The following WDFY3 variants were observed in gnomAD, a reference collection of about 807,000 sequenced individuals.
WDFY3 encodes the protein WD repeat and FYVE domain containing 3, also known as WD repeat and FYVE domain-containing protein 3.
Under a neutral mutation model 409.6 loss-of-function variants are expected in WDFY3, and 66 were observed. That is an observed-to-expected ratio of 0.16 (90% CI 0.13 to 0.20). The LOEUF is 0.20. WDFY3 is among the 10% of genes least tolerant of loss of function. The probability of loss-of-function intolerance (pLI) is 1.00; values close to 1 mark genes in which losing one functional copy is unlikely to be tolerated. For synonymous variants in WDFY3, 1,521 were observed against 1,537.1 expected (o/e 0.99, Z 0.25); for missense variants, 3,031 against 4,298.1 (o/e 0.71, Z 8.24).
intron 44 of WDFY3, among the ~76,000 whole-genome samples, chr4:84,729,376 ATT>A (rs983844586): frequency 4.1e-4 from 62 of 152,108 alleles, no homozygotes; most frequent in African/African-American, 1.5e-3. Context: ...AGTATAATTC[ATT>A]TGTTTTAATT....
At chr4:84,712,373 T>TA (rs998951453) in intron 51 of WDFY3, among the ~76,000 whole-genome samples, 4,630 of 75,058 alleles carry the variant, frequency 0.062, 187 homozygotes, top group African/African-American at 0.16. Context: ...AGAAAAAAAT[T>TA]AAAAAAAAAA....
intron 21 of WDFY3, among the ~76,000 whole-genome samples, chr4:84,790,138 T>G (rs1405179243): frequency 6.6e-6 from 1 of 151,840 alleles, no homozygotes; most frequent in African/African-American, 2.4e-5. Flanking sequence ...TCACCTGACG[T>G]CAGGAGTTCG....
At position 84,820,116 on chromosome 4, in the gene WDFY3, T is replaced by C. The variant is rs1412459427; in HGVS notation, c.1662A>G (p.Thr554=). Residue 554 remains threonine, a synonymous_variant, in exon 12 of 68, where the codon ACA becomes ACG. Transcript: ENST00000295888. ...TTGTGTTTGATCCTTGAAGAAGCAC[T>C]GTCAAGGTCTCCATAACCAATAAAG... ...HLALLVMETL[T]VLLQGSNTNA... 1 of 1,605,284 alleles carries C rather than the reference T, an allele frequency of 6.2e-7. No individual in the cohort carries two copies. The highest frequency in any genetic ancestry group is 1.7e-5 in the Admixed American group (1 of 59,194).
chr4:84,808,917 A>C (rs570868485), intron 14 of WDFY3: 1 of 152,444 alleles, frequency 6.6e-6, no homozygotes, highest in African/African-American at 2.4e-5. Flanking sequence ...CTGAGGACTA[A>C]GAAATCTTGT....
intron 3 of WDFY3, among the ~76,000 whole-genome samples, chr4:84,875,585 A>G (rs1481474665): frequency 1.3e-5 from 2 of 152,218 alleles, no homozygotes; most frequent in South Asian, 2.1e-4. Flanking sequence ...AAACTTTCAA[A>G]TTTTTAAAAA....
At chr4:84,731,048 C>T (rs1736513837) in intron 44 of WDFY3, among the ~76,000 whole-genome samples, 1 of 152,114 alleles carries the variant, frequency 6.6e-6, no homozygotes, top group African/African-American at 2.4e-5. Context: ...CCACCTGCCT[C>T]GGCCTCCCAA....
intron 3 of WDFY3, among the ~76,000 whole-genome samples, chr4:84,874,870 T>C (rs1468135834): frequency 3.3e-5 from 5 of 152,196 alleles, no homozygotes; most frequent in African/African-American, 1.2e-4. Context: ...AAAACCTAGA[T>C]GGTTTAGCCT....
chr4:84,801,861 C>T lies in WDFY3; in HGVS notation c.2611G>A (p.Ala871Thr). The stretch of plus-strand genomic sequence containing the variant: ...GCCACGGCAAGTTGAAGATCCAAAG[C>T]ATGCTAAAATCAACAAAGAAATCCA... ...SVGSVTQPEHALDLQLAVANI... is the reference protein window; with the variant it reads ...SVGSVTQPEHTLDLQLAVANI... The change falls in exon 17 of 68, where the codon GCT becomes ACT. Residue 871 changes from alanine to threonine, a missense_variant. By Grantham distance (58) the Ala-to-Thr change is moderately conservative. Around this residue, in one of 16 missense-constraint regions of WDFY3, gnomAD observed 1,322 missense variants for 1,697.9 expected, o/e 0.78. Coordinates refer to ENST00000295888, the MANE Select transcript of WDFY3 (RefSeq NM_014991.6). 6.2e-7 allele frequency: 1 copy of T among 1,613,346 alleles called. No individual in the cohort carries two copies. The highest frequency in any genetic ancestry group is 8.5e-7 in the Non-Finnish European group (1 of 1,179,448).
At position 84,794,712 on chromosome 4, in the gene WDFY3, G is replaced by T; in HGVS notation, c.3294C>A (p.Ser1098=). 1 of 1,613,046 alleles carries T rather than the reference G, an allele frequency of 6.2e-7. No homozygotes were observed. Among genetic ancestry groups the T allele is most frequent in the Non-Finnish European group, 8.5e-7 (1 of 1,179,574 alleles). The change falls in exon 21 of 68, where the codon TCC becomes TCA. Residue 1098 remains serine (S), a synonymous_variant. Coordinates refer to ENST00000295888, the MANE Select transcript of WDFY3 (RefSeq NM_014991.6). ...AAAACCAGCTAGAGTAACTTAAGCC[G>T]GAGGGAGGAGGGAAGAATCTTTCAC... ...GSGERFFPPP[S]GLSYSSWFCI...
chr4:84,853,676 T>A (rs761065577), intron 4 of WDFY3, among the ~76,000 whole-genome samples: 13 of 152,254 alleles, frequency 8.5e-5, no homozygotes, highest in Non-Finnish European at 1.6e-4. Context: ...GTAAATAATA[T>A]GCTGTTGAAA....
chr4:84,702,165 G>C (rs546814763), intron 56 of WDFY3, among the ~76,000 whole-genome samples, 188 bp downstream of exon 56: 1 of 152,216 alleles, frequency 6.6e-6, no homozygotes, highest in South Asian at 2.1e-4. Context: ...CCACCACCAC[G>C]TCTGGCTAAT....
At chr4:84,929,515 T>C (rs1378196091) in intron 2 of WDFY3, among the ~76,000 whole-genome samples, 3 of 142,352 alleles carry the variant, frequency 2.1e-5, no homozygotes, top group Non-Finnish European at 3.0e-5. Context: ...CGTCAGTACC[T>C]CAAAATGTGA....
rs1736291992 is a variant in WDFY3, at chr4:84,729,831, C to A, written c.7222-2920G>T. On this transcript the variant is annotated intron_variant, in intron 44 of 67. Coordinates refer to ENST00000295888, the MANE Select transcript of WDFY3 (RefSeq NM_014991.6). Reference sequence around the variant, plus strand: ...ACTGAGAAATAATAATTATTTTAATCAATAAGGCAAAAGATCAAATCATTT... The same window carrying A: ...ACTGAGAAATAATAATTATTTTAATAAATAAGGCAAAAGATCAAATCATTT... 2.6e-5 allele frequency among the ~76,000 whole-genome samples: 4 copies of A among 152,112 alleles called. No individual in the cohort carries two copies. The South Asian group carries it at 8.3e-4, about 31-fold the overall frequency.
At position 84,740,289 on chromosome 4, in the gene WDFY3, C is replaced by G; in HGVS notation, c.6362G>C (p.Arg2121Thr). 1.2e-6 allele frequency: 2 copies of G among 1,613,944 alleles called. No homozygotes were observed. Among genetic ancestry groups the G allele is most frequent in the Non-Finnish European group, 1.7e-6 (2 of 1,179,984 alleles). The change falls in exon 39 of 68, where the codon AGG (arginine) becomes ACG (threonine). Residue 2121 changes from arginine (R) to threonine (T), a missense_variant. This residue lies in a region of WDFY3 where 314 missense variants were observed against 397.4 expected (regional missense o/e 0.79). Transcript: ENST00000295888. ...PQQVALLDSLRVLTVNRNLIL... is the reference protein window; with the variant it reads ...PQQVALLDSLTVLTVNRNLIL... ...CAAGTTTCTGTTTACAGTGAGGACC[C>G]TGAGTGAATCAAGCAGAGCTACTTG...
chr4:84,825,357 A>ATT (rs749043186), intron 10 of WDFY3, among the ~76,000 whole-genome samples: 22 of 125,392 alleles, frequency 1.8e-4, no homozygotes, highest in African/African-American at 4.7e-4. Context: ...AGAAGTCTCT[A>ATT]TTTTTTTTTT....
chr4:84,676,072 T>C (rs1029300864), intron 67 of WDFY3, among the ~76,000 whole-genome samples: 10 of 152,134 alleles, frequency 6.6e-5, no homozygotes, highest in African/African-American at 2.2e-4. Flanking sequence ...GAGTAATACA[T>C]GTGACTACAA....
intron 47 of WDFY3, among the ~76,000 whole-genome samples, chr4:84,720,827 GA>G: frequency 7.6e-6 from 1 of 132,438 alleles, no homozygotes; most frequent in African/African-American, 2.8e-5. Flanking sequence ...GTGCAGAGTG[GA>G]AAAAAAAACA....
At chr4:84,778,720 A>G (rs187884378) in intron 26 of WDFY3, 65 bp from the exon 27 acceptor site, 1 of 1,498,068 alleles carries the variant, frequency 6.7e-7, no homozygotes, top group Non-Finnish European at 9.0e-7. Context: ...CACACACACA[A>G]ACACACACAT....
chr4:84,915,886 C>T (rs994610086), intron 2 of WDFY3, among the ~76,000 whole-genome samples: 1 of 152,106 alleles, frequency 6.6e-6, no homozygotes, highest in East Asian at 1.9e-4. Flanking sequence ...TTGGCAAGTG[C>T]CACAAAACCA....
Sources: gnomAD v4.1 joint callset for allele counts (sites outside exome capture counted in the v4.1 genomes callset) on GRCh38, gnomAD v4.1.1 for gene constraint, gnomAD v4.1.1 regional missense constraint, MANE v1.5 for transcripts, NCBI Gene and HGNC (gene_info 2026-07-23, HGNC 2026-07-21) for gene names.